Variants in RANBP17 observed in about 807,000 individuals in gnomAD.
The protein encoded by RANBP17 is ran-binding protein 17.
RANBP17 carries 158 observed loss-of-function variants against 141.2 expected under a neutral mutation model. The observed-to-expected ratio is 1.12, with a 90% CI of 0.98 to 1.28. The LOEUF (loss-of-function observed/expected upper bound fraction) is 1.28, where lower values mean the gene tolerates loss of function less well. RANBP17 is among the 50% of genes most tolerant of loss of function. RANBP17 has a pLI of 0.00. For missense variants in RANBP17, 1,438 were observed against 1,290.7 expected (o/e 1.11, Z -1.75); for synonymous variants, 430 against 450.0 (o/e 0.96, Z 0.56).
chr5:170,899,451 A>G (rs1312465256), intron 5 of RANBP17, among the ~76,000 whole-genome samples: 3 of 152,232 alleles, frequency 2.0e-5, no homozygotes, highest in Non-Finnish European at 4.4e-5. Context: ...ATATACAATC[A>G]TGTCATCTGC....
chr5:171,151,206 C>G (rs1758448356), intron 14 of RANBP17, among the ~76,000 whole-genome samples: 3 of 152,244 alleles, frequency 2.0e-5, no homozygotes, highest in Middle Eastern at 3.4e-3. Flanking sequence ...GATTTAAAGG[C>G]ATGGTGTTAA....
intron 14 of RANBP17, among the ~76,000 whole-genome samples, chr5:171,104,353 C>T (rs1177519087): frequency 6.6e-6 from 1 of 152,068 alleles, no homozygotes; most frequent in Non-Finnish European, 1.5e-5. Context: ...CTTTAATTAT[C>T]TTACATATGT....
intron 3 of RANBP17, among the ~76,000 whole-genome samples, chr5:170,890,898 C>T (rs570119864): frequency 6.6e-6 from 1 of 152,260 alleles, no homozygotes; most frequent in South Asian, 2.1e-4. Context: ...GGGACGGGAT[C>T]TCACTCTGTC....
chr5:171,065,160 T>G (rs1784227089), intron 14 of RANBP17, among the ~76,000 whole-genome samples: 1 of 152,214 alleles, frequency 6.6e-6, no homozygotes, highest in Non-Finnish European at 1.5e-5. Context: ...CATTTGGAGT[T>G]TATTCTTGGG....
intron 13 of RANBP17, among the ~76,000 whole-genome samples, chr5:170,961,651 C>T (rs966069646): frequency 2.0e-5 from 3 of 152,118 alleles, no homozygotes; most frequent in Admixed American, 2.0e-4. Flanking sequence ...ATTCGAGATG[C>T]TCAGATGGTA....
intron 5 of RANBP17, 83 bp from the exon 6 acceptor site, chr5:170,909,578 C>T (rs867251362): frequency 3.0e-4 from 71 of 240,558 alleles, no homozygotes; most frequent in African/African-American, 5.0e-4. Flanking sequence ...AGTTTATTTC[C>T]TTTTTTTTTT....
At chr5:171,009,431 T>C (rs1779875515) in intron 14 of RANBP17, among the ~76,000 whole-genome samples, 1 of 152,158 alleles carries the variant, frequency 6.6e-6, no homozygotes, top group Non-Finnish European at 1.5e-5. Flanking sequence ...TTGAATTGGA[T>C]TGGTATAAAT....
intron 25 of RANBP17, among the ~76,000 whole-genome samples, chr5:171,290,098 G>A (rs1458280239): frequency 6.6e-6 from 1 of 152,176 alleles, no homozygotes; most frequent in Non-Finnish European, 1.5e-5. Context: ...GCCAGACGCA[G>A]TGGCTCATGC....
intron 25 of RANBP17, among the ~76,000 whole-genome samples, chr5:171,280,629 T>G (rs1178875129): frequency 2.0e-5 from 3 of 152,228 alleles, no homozygotes; most frequent in Non-Finnish European, 4.4e-5. Flanking sequence ...TGAGTTTATA[T>G]AGTGTGTTGA....
intron 14 of RANBP17, among the ~76,000 whole-genome samples, chr5:171,098,940 C>A (rs1786913522): frequency 6.6e-6 from 1 of 152,056 alleles, no homozygotes; most frequent in Non-Finnish European, 1.5e-5. Flanking sequence ...TGTGTTATTT[C>A]TGAGGGCTCT....
intron 25 of RANBP17, among the ~76,000 whole-genome samples, chr5:171,286,398 A>G (rs909969636): frequency 1.3e-5 from 2 of 152,180 alleles, no homozygotes; most frequent in African/African-American, 4.8e-5. Flanking sequence ...GGTGCACCTC[A>G]TCCTGCATTT....
intron 22 of RANBP17, among the ~76,000 whole-genome samples, chr5:171,229,245 C>T (rs536561077): frequency 2.0e-3 from 302 of 152,306 alleles, no homozygotes; most frequent in Non-Finnish European, 3.2e-3. Flanking sequence ...GTCTTGTGGA[C>T]ACAGTGGAAT....
At chr5:171,059,353 A>G (rs897687222) in intron 14 of RANBP17, among the ~76,000 whole-genome samples, 11 of 152,172 alleles carry the variant, frequency 7.2e-5, no homozygotes, top group African/African-American at 2.7e-4. Flanking sequence ...AGGTATAAGG[A>G]AGGGATCCAG....
At chr5:170,892,129 CTTTT>C (rs143842890) in intron 3 of RANBP17, among the ~76,000 whole-genome samples, 106 of 131,856 alleles carry the variant, frequency 8.0e-4, no homozygotes, top group Admixed American at 9.8e-4. Context: ...TCACAAAATT[CTTTT>C]TTTTTTTTTT....
At chr5:171,257,676 CTG>C (rs1426644950) in intron 24 of RANBP17, among the ~76,000 whole-genome samples, 2 of 152,106 alleles carry the variant, frequency 1.3e-5, no homozygotes, top group Non-Finnish European at 2.9e-5. Context: ...TTTCAAAAAA[CTG>C]AGATTTGATA....
chr5:171,186,744 G>A (rs1256892439), intron 18 of RANBP17, among the ~76,000 whole-genome samples: 1 of 149,894 alleles, frequency 6.7e-6, no homozygotes, highest in African/African-American at 2.5e-5. Flanking sequence ...CACCGTTTTA[G>A]CCGGGATGGT....
intron 12 of RANBP17, among the ~76,000 whole-genome samples, chr5:170,952,879 AT>A (rs1775315006): frequency 1.3e-5 from 2 of 152,118 alleles, no homozygotes. Flanking sequence ...AGCAAAAATC[AT>A]TGAATAAATA....
chr5:171,222,596 C>A (rs760647740), intron 22 of RANBP17, among the ~76,000 whole-genome samples: 30 of 152,204 alleles, frequency 2.0e-4, no homozygotes, highest in Non-Finnish European at 3.4e-4. Flanking sequence ...CTACAGCAAA[C>A]TGTTAAGTAA....
rs1761309499 is a variant in RANBP17, at chr5:171,187,110, A to G, written c.2038+3680A>G. Among the ~76,000 whole-genome samples, 5 of 152,264 alleles carry G rather than the reference A, an allele frequency of 3.3e-5. No homozygotes were observed. In the South Asian group the frequency reaches 6.2e-4, roughly 19 times the overall value. ...TCACAGGGTTATTAATTGGCCTAAT[A>G]TCAATATTGTTGTGTCTCAGAAAAT... On this transcript the variant is annotated intron_variant, in intron 18 of 27. Transcript: ENST00000523189.
Sources: allele counts gnomAD v4.1 joint callset (sites outside exome capture counted in the v4.1 genomes callset), GRCh38; gene constraint gnomAD v4.1.1; transcripts MANE v1.5; gene names NCBI Gene and HGNC (gene_info 2026-07-23, HGNC 2026-07-21).